The following PCDHGA6 variants were observed in gnomAD, a reference collection of about 807,000 sequenced individuals.
PCDHGA6 encodes protocadherin gamma-A6.
A neutral mutation model predicts 60.6 loss-of-function variants in PCDHGA6; 41 were observed. The ratio of observed to expected loss-of-function variants is 0.68; its 90% CI spans 0.53 to 0.88. The LOEUF (loss-of-function observed/expected upper bound fraction) is 0.88, where lower values mean the gene tolerates loss of function less well. PCDHGA6 is among the 40% of genes least tolerant of loss of function. The pLI is 0.00. For synonymous variants in PCDHGA6, 594 were observed against 524.4 expected (o/e 1.13, Z -1.81); for missense variants, 1,312 against 1,203.0 (o/e 1.09, Z -1.34).
intron 1 of PCDHGA6, chr5:141,421,585 G>A: frequency 1.2e-6 from 2 of 1,613,916 alleles, no homozygotes; most frequent in Non-Finnish European, 1.7e-6. Context: ...GATTTACGGA[G>A]TGGAGGTGGA....
At chr5:141,505,666 G>T (rs904221281) in intron 3 of PCDHGA6, among the ~76,000 whole-genome samples, 185 bp downstream of exon 3, 3 of 152,180 alleles carry the variant, frequency 2.0e-5, no homozygotes, top group Non-Finnish European at 4.4e-5. Context: ...ACAGCAGAGG[G>T]GTTGGGGGTC....
intron 1 of PCDHGA6, chr5:141,398,636 A>G (rs770681129): frequency 6.2e-7 from 1 of 1,614,074 alleles, no homozygotes; most frequent in Non-Finnish European, 8.5e-7. Context: ...CTGCAGAAGT[A>G]TAAACTCTCT....
intron 1 of PCDHGA6, chr5:141,421,044 C>CGCCT (rs891153203): frequency 6.4e-5 from 35 of 548,614 alleles, no homozygotes; most frequent in African/African-American, 6.0e-4. Context: ...CTCCCTCCCC[C>CGCCT]GCCTCTACCA....
chr5:141,376,051 C>T lies in PCDHGA6; in HGVS notation c.1968C>T (p.Ala656=). 6.2e-7 allele frequency: 1 copy of T among 1,613,344 alleles called. No individual in the cohort carries two copies. Among genetic ancestry groups the T allele is most frequent in the South Asian group, 1.1e-5 (1 of 91,060 alleles). Residue 656 remains alanine (A), a synonymous_variant, in exon 1 of 4, where the codon GCC becomes GCT. Coordinates refer to ENST00000517434, the MANE Select transcript of PCDHGA6 (RefSeq NM_018919.3). Reference sequence around the variant, plus strand: ...ACCACGGCCAGCCCCCTCTCTCCGCCACTGTCACGCTCACCGTGGCCGTGG... The same window carrying T: ...ACCACGGCCAGCCCCCTCTCTCCGCTACTGTCACGCTCACCGTGGCCGTGG... ...VQDHGQPPLS[A]TVTLTVAVAD... is the part of the protein sequence containing the mutation.
At position 141,389,973 on chromosome 5, in the gene PCDHGA6, A is replaced by C. The variant is rs375422602; in HGVS notation, c.2424+13466A>C. On this transcript the variant is annotated intron_variant, in intron 1 of 3. Coordinates refer to ENST00000517434, the MANE Select transcript of PCDHGA6 (RefSeq NM_018919.3). Reference sequence around the variant, plus strand: ...TTACCTAGTGGTGGCCTTGGCCTTGATCTCAGTGCTCTTCCTCGTGGCCAT... The same window carrying C: ...TTACCTAGTGGTGGCCTTGGCCTTGCTCTCAGTGCTCTTCCTCGTGGCCAT... 82 of 1,613,684 alleles carry C rather than the reference A, an allele frequency of 5.1e-5. No homozygotes were observed. The highest frequency in any genetic ancestry group is 6.5e-5 in the Non-Finnish European group (77 of 1,179,850).
rs1594492695 is a variant in PCDHGA6 at position 141,485,536 on chromosome 5, A to G, written c.2425-9271A>G. On this transcript the variant is annotated intron_variant, in intron 1 of 3. Transcript: ENST00000517434. The surrounding 1 kb of genome is among the most constrained non-coding windows in gnomAD (Gnocchi z 5.7). ...CTTTGGAAATGTACCGAGCAGAGGTAGAGATCGTAGATGTGAATGATCACG... is the reference window on the plus strand; with the variant it reads ...CTTTGGAAATGTACCGAGCAGAGGTGGAGATCGTAGATGTGAATGATCACG... 3 of 1,613,976 alleles carry G rather than the reference A, an allele frequency of 1.9e-6. No homozygotes were observed. The highest frequency in any genetic ancestry group is 2.5e-6 in the Non-Finnish European group (3 of 1,179,946).
In PCDHGA6 at chr5:141,511,421, G is replaced by A. The variant is rs1289887363; in HGVS notation, c.*248G>A. 19 of 829,148 alleles carry A rather than the reference G, an allele frequency of 2.3e-5. No individual in the cohort carries two copies. The highest frequency in any genetic ancestry group is 3.8e-4 in the Middle Eastern group (1 of 2,640). 51.4% of individuals were successfully genotyped at this position (829,148 alleles called of 1,614,324 possible). On this transcript the variant is annotated 3_prime_UTR_variant, in exon 4 of 4. Coordinates refer to ENST00000517434, the MANE Select transcript of PCDHGA6 (RefSeq NM_018919.3). The stretch of plus-strand genomic sequence containing the variant: ...CCAATCAACTGCTGTACCCATGGGG[G>A]TAGTGGGGTTACTGTAGACACCAAG...
At chr5:141,430,841 T>C (rs757539834) in intron 1 of PCDHGA6, 1 of 1,566,462 alleles carries the variant, frequency 6.4e-7, no homozygotes, top group South Asian at 1.2e-5. Flanking sequence ...GGAGACCGGA[T>C]GCACCCAGAT....
Position 141,408,306 on chromosome 5 carries a change from A to C in PCDHGA6, c.2424+31799A>C, listed in dbSNP as rs866086431. On this transcript the variant is annotated intron_variant, in intron 1 of 3. Transcript: ENST00000517434. Reference sequence around the variant, plus strand: ...CCCACCCTGAGTGAGCCGATCCGCTACTCGATTCCGGAGGAGCTGGCCAAG... The same window carrying C: ...CCCACCCTGAGTGAGCCGATCCGCTCCTCGATTCCGGAGGAGCTGGCCAAG... The C allele has an allele frequency of 1.2e-6, 2 of 1,613,586 alleles. No homozygotes were observed. Among genetic ancestry groups the C allele is most frequent in the South Asian group, 1.1e-5 (1 of 91,062 alleles).
intron 1 of PCDHGA6, chr5:141,433,049 C>A (rs1418118305): frequency 6.2e-7 from 1 of 1,614,110 alleles, no homozygotes; most frequent in Admixed American, 1.7e-5. Flanking sequence ...CACGGACTCG[C>A]GGAAGAGTCA....
chr5:141,433,262 T>C (rs2097580507), intron 1 of PCDHGA6: 1 of 1,339,318 alleles, frequency 7.5e-7, no homozygotes, highest in Non-Finnish European at 1.0e-6. Context: ...GGTACGATCA[T>C]AGCTCACTGC....
intron 3 of PCDHGA6, among the ~76,000 whole-genome samples, chr5:141,509,045 GC>G (rs1165443091): frequency 6.6e-6 from 1 of 152,060 alleles, no homozygotes; most frequent in Non-Finnish European, 1.5e-5. Context: ...CCTCTCCCCC[GC>G]CCCCAGAAAG....
intron 1 of PCDHGA6, chr5:141,376,712 C>A (rs1323983418): frequency 3.2e-6 from 2 of 620,108 alleles, no homozygotes; most frequent in South Asian, 2.1e-5. Context: ...CGGAGTCTCG[C>A]TCTGTCGCCC....
At chr5:141,384,274 G>C (rs1396743546) in intron 1 of PCDHGA6, 1 of 1,613,704 alleles carries the variant, frequency 6.2e-7, no homozygotes, top group Non-Finnish European at 8.5e-7. Flanking sequence ...ATCCTACTCA[G>C]TCTACATCGC....
In PCDHGA6 at chr5:141,417,855, G is replaced by T. The variant is rs1436078486; in HGVS notation, c.2424+41348G>T. The T allele has an allele frequency of 2.6e-6, 4 of 1,544,916 alleles. No individual in the cohort carries two copies. In the Admixed American group the frequency reaches 8.0e-5, roughly 31 times the overall value. ...GCGGGGACCCAGCGAGAACCCGAGC[G>T]AACGATGGGAGGGAGCTGCGCGCAG... On this transcript the variant is annotated intron_variant, in intron 1 of 3. Transcript: ENST00000517434.
chr5:141,408,897 T>C (rs1156707427), intron 1 of PCDHGA6: 1 of 1,613,118 alleles, frequency 6.2e-7, no homozygotes, highest in East Asian at 2.2e-5. Context: ...GAAATTTCTG[T>C]CAAGGATACC....
intron 1 of PCDHGA6, among the ~76,000 whole-genome samples, chr5:141,464,803 G>A (rs933573443): frequency 1.5e-4 from 23 of 152,092 alleles, no homozygotes; most frequent in African/African-American, 5.1e-4. Context: ...CAGTGATGCA[G>A]TCATAGCTCA....
At chr5:141,465,768 C>T (rs1414064889) in intron 1 of PCDHGA6, among the ~76,000 whole-genome samples, 1 of 151,916 alleles carries the variant, frequency 6.6e-6, no homozygotes, top group Non-Finnish European at 1.5e-5. Flanking sequence ...CATGTTTCAT[C>T]TCTTGTTACA....
intron 1 of PCDHGA6, chr5:141,404,048 ATTC>A (rs1247713760): frequency 1.9e-6 from 3 of 1,613,866 alleles, no homozygotes; most frequent in South Asian, 1.1e-5. Flanking sequence ...GGGAACAGTA[ATTC>A]TTCTTTTCAA....
Sources: allele counts gnomAD v4.1 joint callset (sites outside exome capture counted in the v4.1 genomes callset), GRCh38; gene constraint gnomAD v4.1.1; non-coding constraint Gnocchi (gnomAD v3.1); transcripts MANE v1.5; gene names NCBI Gene and HGNC (gene_info 2026-07-23, HGNC 2026-07-21).